Variants in DPYD observed in about 807,000 individuals in gnomAD.
The protein encoded by DPYD is dihydropyrimidine dehydrogenase, also known as dihydropyrimidine dehydrogenase [NADP(+)].
DPYD carries 109 observed loss-of-function variants against 116.2 expected under a neutral mutation model. That is an observed-to-expected ratio of 0.94 (90% CI 0.80 to 1.10). DPYD has a LOEUF of 1.10. Ranked by LOEUF, DPYD falls within the 50% of genes least tolerant of loss-of-function variation. The pLI is 0.00. For synonymous variants in DPYD, 440 were observed against 432.0 expected (o/e 1.02, Z -0.23); for missense variants, 1,302 against 1,254.5 (o/e 1.04, Z -0.57).
chr1:97,419,423 G>A (rs1000796011), intron 14 of DPYD, among the ~76,000 whole-genome samples: 18 of 152,132 alleles, frequency 1.2e-4, no homozygotes, highest in African/African-American at 3.6e-4. Context: ...GACCTGGTAC[G>A]TAATCACTAT....
intron 20 of DPYD, among the ~76,000 whole-genome samples, chr1:97,144,569 A>G (rs1035813810): frequency 5.3e-5 from 8 of 152,196 alleles, no homozygotes; most frequent in African/African-American, 1.9e-4. Flanking sequence ...CACTACTTGA[A>G]GTGTTCCCAT....
At chr1:97,481,234 AT>A (rs202089820) in intron 13 of DPYD, among the ~76,000 whole-genome samples, 21 of 150,770 alleles carry the variant, frequency 1.4e-4, no homozygotes, top group Admixed American at 2.6e-4. Flanking sequence ...ATGAGATGCC[AT>A]TTTTTTTTGC....
intron 8 of DPYD, among the ~76,000 whole-genome samples, chr1:97,641,318 T>A: frequency 6.6e-6 from 1 of 151,992 alleles, no homozygotes; most frequent in East Asian, 1.9e-4. Context: ...AATGAGCACA[T>A]ATAAAGGTGC....
At chr1:97,793,385 T>C (rs760303338) in intron 3 of DPYD, among the ~76,000 whole-genome samples, 24 of 152,180 alleles carry the variant, frequency 1.6e-4, no homozygotes, top group Non-Finnish European at 2.6e-4. Flanking sequence ...ATATGGAATT[T>C]CAGGTGACCT....
chr1:97,748,119 A>C (rs1409180954), intron 3 of DPYD, among the ~76,000 whole-genome samples: 1 of 152,154 alleles, frequency 6.6e-6, no homozygotes, highest in African/African-American at 2.4e-5. Context: ...ACATATACAT[A>C]TGCTTTAAGG....
chr1:97,392,338 C>T (rs963071929), intron 14 of DPYD, among the ~76,000 whole-genome samples: 3 of 151,738 alleles, frequency 2.0e-5, no homozygotes, highest in Non-Finnish European at 4.4e-5. Context: ...GTAGCATTTT[C>T]TTTCTCACTC....
At chr1:97,166,547 T>C (rs926967733) in intron 20 of DPYD, among the ~76,000 whole-genome samples, 2 of 152,154 alleles carry the variant, frequency 1.3e-5, no homozygotes, top group Non-Finnish European at 2.9e-5. Context: ...AACCTGCACA[T>C]GTACTAAAAT....
chr1:97,883,359 T>C lies in DPYD; in HGVS notation c.55A>G (p.Asn19Asp). 1 of 1,609,970 alleles carries C rather than the reference T, an allele frequency of 6.2e-7. No individual in the cohort carries two copies. The highest frequency in any genetic ancestry group is 8.5e-7 in the Non-Finnish European group (1 of 1,176,552). ...GTTGCATGAGTTTGTGTTCGAGGAT[T>C]TAAAGCCAGGATACTCTAAAGACAG... is the stretch of plus-strand genomic sequence containing the variant. ...SADIESILAL[N>D]PRTQTHATLC... The change falls in exon 2 of 23, where the codon AAT becomes GAT. Residue 19 changes from asparagine (N) to aspartate (D), a missense_variant. Transcript: ENST00000370192.
At chr1:97,394,746 C>G (rs1027020850) in intron 14 of DPYD, among the ~76,000 whole-genome samples, 1 of 152,004 alleles carries the variant, frequency 6.6e-6, no homozygotes, top group Non-Finnish European at 1.5e-5. Flanking sequence ...TGAGGTATGT[C>G]TGTATTGGAA....
intron 14 of DPYD, among the ~76,000 whole-genome samples, chr1:97,388,208 A>T (rs1672470387): frequency 6.6e-6 from 1 of 152,120 alleles, no homozygotes; most frequent in Non-Finnish European, 1.5e-5. Flanking sequence ...ATTTACTGAG[A>T]TAGAATAAAG....
At chr1:97,087,248 G>A (rs533968569) in intron 21 of DPYD, among the ~76,000 whole-genome samples, 1 of 152,270 alleles carries the variant, frequency 6.6e-6, no homozygotes, top group African/African-American at 2.4e-5. Context: ...GTGTGGTATA[G>A]TGATCTCTTA....
chr1:97,260,917 A>C (rs1663832581), intron 18 of DPYD, among the ~76,000 whole-genome samples: 1 of 152,148 alleles, frequency 6.6e-6, no homozygotes, highest in Admixed American at 6.6e-5. Context: ...GGCAGTAAGC[A>C]TTTTAAGTAC....
chr1:97,367,039 C>T (rs1671075943), intron 16 of DPYD, among the ~76,000 whole-genome samples: 1 of 152,066 alleles, frequency 6.6e-6, no homozygotes, highest in African/African-American at 2.4e-5. Flanking sequence ...GTGGTCATTG[C>T]TCCCTGGACA....
At chr1:97,469,397 C>CAAAAAAAAAAAAAAAGAAAAAAAAAAAAA (rs1677504682) in intron 13 of DPYD, among the ~76,000 whole-genome samples, 2 of 80,800 alleles carry the variant, frequency 2.5e-5, no homozygotes, top group Non-Finnish European at 4.3e-5. Context: ...GCTAAAATTG[C>CAAAAAAAAAAAAAAAGAAAAAAAAAAAAA]AAAAAAAAAA....
At chr1:97,551,713 C>G (rs1651334909) in intron 11 of DPYD, among the ~76,000 whole-genome samples, 1 of 151,998 alleles carries the variant, frequency 6.6e-6, no homozygotes, top group African/African-American at 2.4e-5. Context: ...ATCTCTGAGT[C>G]CCACAACATA....
chr1:97,781,815 G>A (rs993496622), intron 3 of DPYD, among the ~76,000 whole-genome samples: 5 of 152,132 alleles, frequency 3.3e-5, no homozygotes, highest in East Asian at 1.9e-4. Context: ...GCATTTTAAT[G>A]TGGTTAATCA....
chr1:97,872,896 C>T lies in DPYD; in HGVS notation c.150+10368G>A, dbSNP rs537648623. Among the ~76,000 whole-genome samples the T allele has an allele frequency of 2.6e-5, 4 of 152,044 alleles. No homozygotes were observed. The South Asian group carries it at 6.2e-4, about 24-fold the overall frequency. On this transcript the variant is annotated intron_variant, in intron 2 of 22. Coordinates refer to ENST00000370192, the MANE Select transcript of DPYD (RefSeq NM_000110.4). ...TACTGACACCGTTTCAATCCCTTAA[C>T]TTCAATCAGTATGCTCCCCCATCTT...
intron 3 of DPYD, chr1:97,797,668 T>C (rs1667639338): frequency 6.6e-6 from 1 of 152,084 alleles, no homozygotes; most frequent in African/African-American, 2.4e-5. Flanking sequence ...TGAATATAGT[T>C]CCAGGATGAT....
intron 12 of DPYD, among the ~76,000 whole-genome samples, chr1:97,544,445 C>T (rs1650675272): frequency 6.6e-6 from 1 of 152,134 alleles, no homozygotes; most frequent in Non-Finnish European, 1.5e-5. Context: ...TTACATGGCA[C>T]AACCTTTATT....
Sources: gnomAD v4.1 joint callset for allele counts (sites outside exome capture counted in the v4.1 genomes callset) on GRCh38, gnomAD v4.1.1 for gene constraint, MANE v1.5 for transcripts, NCBI Gene and HGNC (gene_info 2026-07-23, HGNC 2026-07-21) for gene names.